SIK3: variants seen among roughly 807,000 people sequenced by gnomAD.
SIK3 encodes SIK family kinase 3.
A neutral mutation model predicts 144.2 loss-of-function variants in SIK3; 28 were observed. The observed-to-expected ratio is 0.19, with a 90% CI of 0.14 to 0.27. The LOEUF (loss-of-function observed/expected upper bound fraction) is 0.27, where lower values mean the gene tolerates loss of function less well. Among genes scored for constraint, SIK3 ranks in the 10% least tolerant of loss-of-function variants. The probability of loss-of-function intolerance (pLI) is 1.00; values close to 1 mark genes in which losing one functional copy is unlikely to be tolerated. For missense variants in SIK3, 1,319 were observed against 1,776.0 expected (o/e 0.74, Z 4.62); for synonymous variants, 686 against 676.3 (o/e 1.01, Z -0.22).
chr11:116,924,023 TA>T (rs1947142886), intron 4 of SIK3, among the ~76,000 whole-genome samples: 1 of 152,192 alleles, frequency 6.6e-6, no homozygotes, highest in Admixed American at 6.5e-5. Flanking sequence ...GGCTCACGCC[TA>T]TAATCCCAGC....
intron 1 of SIK3, among the ~76,000 whole-genome samples, chr11:117,090,552 T>C (rs151111746): frequency 6.6e-6 from 1 of 152,344 alleles, no homozygotes; most frequent in Non-Finnish European, 1.5e-5. Flanking sequence ...CTAAGAAACA[T>C]ACCCTCAAAG....
At chr11:117,030,887 C>A (rs1454024465) in intron 1 of SIK3, among the ~76,000 whole-genome samples, 3 of 152,186 alleles carry the variant, frequency 2.0e-5, no homozygotes, top group African/African-American at 7.2e-5. Flanking sequence ...TTTTAATTTG[C>A]AGTTCCCTAA....
intron 4 of SIK3, among the ~76,000 whole-genome samples, chr11:116,921,509 T>C (rs1946973895): frequency 6.6e-6 from 1 of 152,270 alleles, no homozygotes; most frequent in South Asian, 2.1e-4. Context: ...GGTAACTGCC[T>C]TTAGAAATAA....
In SIK3 at chr11:116,846,292, C is replaced by T; in HGVS notation, c.*13+91G>A. On this transcript the variant is annotated intron_variant, in intron 24 of 24. Transcript: ENST00000445177. The surrounding 1 kb of genome is among the most constrained non-coding windows in gnomAD (Gnocchi z 4.1). ...GCGTGGTACTGTCGACTGCACTGGC[C>T]ACCACAACACATGGGCTGAAGCTCC... 7.3e-7 allele frequency: 1 copy of T among 1,364,100 alleles called. No homozygotes were observed. Among genetic ancestry groups the T allele is most frequent in the Non-Finnish European group, 1.0e-6 (1 of 981,226 alleles). 84.5% of individuals were successfully genotyped at this position (1,364,100 alleles called of 1,614,324 possible).
At chr11:116,965,954 A>G (rs1173348549) in intron 1 of SIK3, among the ~76,000 whole-genome samples, 1 of 150,424 alleles carries the variant, frequency 6.6e-6, no homozygotes, top group Non-Finnish European at 1.5e-5. Context: ...AAGAGGGAAG[A>G]GCAGGAAAGA....
chr11:116,944,188 TTGGCCTTACCCAAAGAGAAGGCC>T (rs888624112), intron 3 of SIK3, among the ~76,000 whole-genome samples: 1 of 152,122 alleles, frequency 6.6e-6, no homozygotes, highest in African/African-American at 2.4e-5. Context: ...AGTGAAGAAC[TTGGCCTTACCCAAAGAGAAGGCC>T]TGGCCTTCCC....
intron 3 of SIK3, among the ~76,000 whole-genome samples, chr11:116,932,804 G>A (rs1028728018): frequency 2.0e-5 from 3 of 152,052 alleles, no homozygotes; most frequent in Non-Finnish European, 4.4e-5. Flanking sequence ...TTATTTTCTT[G>A]TTTTTGTTTG....
chr11:116,858,543 G>C lies in SIK3; in HGVS notation c.2922C>G (p.Asp974Glu). 1 of 1,613,750 alleles carries C rather than the reference G, an allele frequency of 6.2e-7. No individual in the cohort carries two copies. Among genetic ancestry groups the C allele is most frequent in the Non-Finnish European group, 8.5e-7 (1 of 1,179,902 alleles). The change falls in exon 21 of 25, where the codon GAC (aspartate) becomes GAG (glutamate). Residue 974 changes from aspartate to glutamate, a missense_variant. Asp to Glu is a conservative substitution (Grantham distance 45, BLOSUM62 2). Around this residue, in one of 8 missense-constraint regions of SIK3, gnomAD observed 646 missense variants for 763.7 expected, o/e 0.85. Transcript: ENST00000445177. The surrounding 1 kb of genome is among the most constrained non-coding windows in gnomAD (Gnocchi z 5.4). ...PTQALKVPPL[D>E]QFPTFPPSAH... ...CACTGGGAGGGAAGGTGGGGAATTG[G>C]TCAAGTGGAGGGACTTTCAGGGCTT... is the stretch of plus-strand genomic sequence containing the variant.
At chr11:117,074,358 A>G (rs73576637) in intron 1 of SIK3, among the ~76,000 whole-genome samples, 8,495 of 152,122 alleles carry the variant, frequency 0.056, 515 homozygotes, top group African/African-American at 0.15. Context: ...CCACAACAGT[A>G]TATGTATTTT....
intron 1 of SIK3, among the ~76,000 whole-genome samples, chr11:116,971,683 C>T (rs1565513832): frequency 6.6e-6 from 1 of 152,152 alleles, no homozygotes; most frequent in Non-Finnish European, 1.5e-5. Context: ...CAAGTTTCTC[C>T]AAAATCCCAA....
At chr11:116,916,742 C>G (rs1010536528) in intron 4 of SIK3, among the ~76,000 whole-genome samples, 1 of 151,298 alleles carries the variant, frequency 6.6e-6, no homozygotes, top group South Asian at 2.1e-4. Flanking sequence ...GATCTCCTGA[C>G]CTCGTGATCC....
rs144959476 is a variant in SIK3 at position 116,912,014 on chromosome 11, T to G, written c.617-14697A>C. ...AGCCATATGAGTGGAGCGAAGTTGG[T>G]CTCTTCATGTGGCCATGGTCATTTA... On this transcript the variant is annotated intron_variant, in intron 4 of 24. Transcript: ENST00000445177. Among the ~76,000 whole-genome samples the G allele has an allele frequency of 7.1e-3, 1,077 of 152,312 alleles. 12 individuals carry two copies. The highest frequency in any genetic ancestry group is 0.024 in the African/African-American group (1,003 of 41,556).
intron 3 of SIK3, among the ~76,000 whole-genome samples, chr11:116,929,901 C>T (rs892772715): frequency 1.3e-5 from 2 of 152,296 alleles, no homozygotes; most frequent in Admixed American, 6.5e-5. Context: ...TTCTACACAT[C>T]GATTGTCACT....
At chr11:116,960,031 T>C (rs1235743779) in intron 1 of SIK3, among the ~76,000 whole-genome samples, 1 of 152,202 alleles carries the variant, frequency 6.6e-6, no homozygotes, top group Non-Finnish European at 1.5e-5. Context: ...AAATATCAAA[T>C]GTACCCCATA....
intron 1 of SIK3, among the ~76,000 whole-genome samples, chr11:117,087,149 G>A (rs561842461): frequency 6.6e-6 from 1 of 151,950 alleles, no homozygotes; most frequent in Non-Finnish European, 1.5e-5. Context: ...CAAGTAAAAG[G>A]TGAGACTTGG....
intron 1 of SIK3, among the ~76,000 whole-genome samples, chr11:116,967,733 A>G (rs532387840): frequency 2.0e-5 from 3 of 152,306 alleles, no homozygotes; most frequent in Admixed American, 2.0e-4. Flanking sequence ...TGTTTGTCAA[A>G]AGGTGCATCG....
chr11:116,989,905 G>A (rs913511921), intron 1 of SIK3, among the ~76,000 whole-genome samples: 7 of 152,030 alleles, frequency 4.6e-5, no homozygotes, highest in African/African-American at 1.7e-4. Context: ...ACTACAAACT[G>A]GGAAGTAAAA....
intron 1 of SIK3, among the ~76,000 whole-genome samples, chr11:117,002,960 T>C (rs147156528): frequency 6.6e-6 from 1 of 152,362 alleles, no homozygotes; most frequent in East Asian, 1.9e-4. Context: ...TAGCCAGTAC[T>C]GATGAAGTCC....
At position 116,961,030 on chromosome 11, in the gene SIK3, TG is replaced by T. The variant is rs960206134; in HGVS notation, c.274-3967del. ...ACCAACTGGCTGCCGCCAGCTGATG[TG>T]GGAAGAACATGGAAAGAACAGAGCT... is the stretch of plus-strand genomic sequence containing the variant. On this transcript the variant is annotated intron_variant, in intron 1 of 24. Transcript: ENST00000445177. Among the ~76,000 whole-genome samples the T allele has an allele frequency of 2.6e-5, 4 of 152,234 alleles. No individual in the cohort carries two copies. In the East Asian group the frequency reaches 5.8e-4, roughly 22 times the overall value.
Sources: allele counts gnomAD v4.1 joint callset (sites outside exome capture counted in the v4.1 genomes callset), GRCh38; gene constraint gnomAD v4.1.1; regional missense constraint gnomAD v4.1.1; non-coding constraint Gnocchi (gnomAD v3.1); transcripts MANE v1.5; gene names NCBI Gene and HGNC (gene_info 2026-07-23, HGNC 2026-07-21).